Variants in LRMDA observed in about 807,000 individuals in gnomAD.
LRMDA encodes the protein leucine rich melanocyte differentiation associated.
A neutral mutation model predicts 29.8 loss-of-function variants in LRMDA; 18 were observed. The ratio of observed to expected loss-of-function variants is 0.60; its 90% CI spans 0.42 to 0.90. The LOEUF (loss-of-function observed/expected upper bound fraction) is 0.90, where lower values mean the gene tolerates loss of function less well. Ranked by LOEUF, LRMDA falls within the 40% of genes least tolerant of loss-of-function variation. The pLI, the probability that LRMDA is intolerant of heterozygous loss-of-function variation, is 0.00. For synonymous variants in LRMDA, 125 were observed against 109.4 expected (o/e 1.14, Z -0.89); for missense variants, 273 against 273.9 (o/e 1.00, Z 0.02).
intron 2 of LRMDA, among the ~76,000 whole-genome samples, chr10:75,844,811 A>G (rs913533053): frequency 6.6e-6 from 1 of 152,220 alleles, no homozygotes; most frequent in African/African-American, 2.4e-5. Flanking sequence ...GACATACAGT[A>G]AATTGCATTT....
At chr10:76,139,856 A>G (rs1011047175) in intron 5 of LRMDA, among the ~76,000 whole-genome samples, 4 of 152,094 alleles carry the variant, frequency 2.6e-5, no homozygotes, top group African/African-American at 7.2e-5. Flanking sequence ...TTCTTAGACC[A>G]TATCAGGCCC....
chr10:76,060,905 A>G (rs1848692239), intron 5 of LRMDA, among the ~76,000 whole-genome samples: 1 of 152,226 alleles, frequency 6.6e-6, no homozygotes. Flanking sequence ...AACTGTATTA[A>G]GCTTTAAAAA....
At chr10:75,472,226 C>T (rs1023484644) in intron 2 of LRMDA, among the ~76,000 whole-genome samples, 1 of 152,134 alleles carries the variant, frequency 6.6e-6, no homozygotes, top group Admixed American at 6.5e-5. Context: ...CCTGAAACTC[C>T]ACCCTTTTCA....
chr10:76,050,728 G>A (rs753496537), intron 4 of LRMDA, among the ~76,000 whole-genome samples: 13 of 152,204 alleles, frequency 8.5e-5, no homozygotes, highest in African/African-American at 1.7e-4. Context: ...GGATTTCAAC[G>A]CTAGCCAAAA....
chr10:76,230,090 C>A (rs1249765330), intron 5 of LRMDA, among the ~76,000 whole-genome samples: 1 of 151,974 alleles, frequency 6.6e-6, no homozygotes, highest in African/African-American at 2.4e-5. Context: ...AGGGGTGGGT[C>A]TCTCCTGCCC....
At chr10:76,107,606 GCT>G (rs1490307355) in intron 5 of LRMDA, among the ~76,000 whole-genome samples, 12 of 152,104 alleles carry the variant, frequency 7.9e-5, no homozygotes, top group Non-Finnish European at 7.3e-5. Context: ...TTCCTCCATG[GCT>G]CTGTTTCCGC....
Position 75,580,049 on chromosome 10 carries a change from A to G in LRMDA, c.131+141555A>G, listed in dbSNP as rs528279850. ...CCGTCTCTCACCACTCCTATTCAAC[A>G]TAGTATTGGAAGTTCTGGCCAGGGT... On this transcript the variant is annotated intron_variant, in intron 2 of 6. Transcript: ENST00000611255. Among the ~76,000 whole-genome samples, 69 of 152,318 alleles carry G rather than the reference A, an allele frequency of 4.5e-4. 2 individuals are homozygous for G. The highest frequency in any genetic ancestry group is 4.0e-3 in the Admixed American group (61 of 15,300).
intron 5 of LRMDA, among the ~76,000 whole-genome samples, chr10:76,142,755 T>G: frequency 6.6e-6 from 1 of 151,548 alleles, no homozygotes; most frequent in East Asian, 1.9e-4. Flanking sequence ...GTTTGTTACA[T>G]ATGTATACAT....
chr10:76,221,571 G>T (rs1851838084), intron 5 of LRMDA, among the ~76,000 whole-genome samples: 1 of 152,172 alleles, frequency 6.6e-6, no homozygotes, highest in Non-Finnish European at 1.5e-5. Flanking sequence ...GGGATGTGAA[G>T]GACCTCTTCA....
chr10:76,012,876 G>T (rs1301021530), intron 2 of LRMDA, among the ~76,000 whole-genome samples: 1 of 152,126 alleles, frequency 6.6e-6, no homozygotes, highest in Admixed American at 6.5e-5. Context: ...AAAACCTGTT[G>T]TCTGGCTTTG....
chr10:75,854,581 A>G (rs1035198355), intron 2 of LRMDA, among the ~76,000 whole-genome samples: 18 of 152,004 alleles, frequency 1.2e-4, no homozygotes, highest in Non-Finnish European at 1.9e-4. Context: ...TTATGTTTTA[A>G]TTATACTTTA....
intron 6 of LRMDA, among the ~76,000 whole-genome samples, chr10:76,351,978 C>G (rs1490605698): frequency 6.6e-6 from 1 of 152,068 alleles, no homozygotes; most frequent in Non-Finnish European, 1.5e-5. Context: ...GGGTTTGAAT[C>G]CTGGCTTTGC....
chr10:75,813,592 A>G (rs1188302799), intron 2 of LRMDA, among the ~76,000 whole-genome samples: 1 of 152,180 alleles, frequency 6.6e-6, no homozygotes, highest in Non-Finnish European at 1.5e-5. Context: ...TGCTCTTTGG[A>G]CGACGTGGGA....
intron 5 of LRMDA, among the ~76,000 whole-genome samples, chr10:76,071,135 G>C (rs2007753): frequency 0.43 from 65,829 of 151,996 alleles, 14,770 homozygotes; most frequent in Non-Finnish European, 0.45. Flanking sequence ...ATCTGGAAAT[G>C]AAGGCTGATG....
rs551057792 is a variant in LRMDA at position 75,876,610 on chromosome 10, G to T, written c.132-159398G>T. ...TCTAGAACTTTCTATTCATGGGCCTGATATATAGCCCAGGGATCTGCATTT... is the reference window on the plus strand; with the variant it reads ...TCTAGAACTTTCTATTCATGGGCCTTATATATAGCCCAGGGATCTGCATTT... On this transcript the variant is annotated intron_variant, in intron 2 of 6. Coordinates refer to ENST00000611255, the MANE Select transcript of LRMDA (RefSeq NM_001305581.2). Among the ~76,000 whole-genome samples the T allele has an allele frequency of 5.3e-3, 800 of 152,330 alleles. 8 individuals carry two copies. Among genetic ancestry groups the T allele is most frequent in the Non-Finnish European group, 8.5e-3 (576 of 68,034 alleles).
chr10:76,322,288 G>T (rs540306281), intron 5 of LRMDA, among the ~76,000 whole-genome samples: 1 of 152,292 alleles, frequency 6.6e-6, no homozygotes, highest in South Asian at 2.1e-4. Flanking sequence ...AGGATCACAA[G>T]GGCTTCATTT....
At chr10:75,909,903 G>A (rs114435628) in intron 2 of LRMDA, among the ~76,000 whole-genome samples, 2,551 of 152,266 alleles carry the variant, frequency 0.017, 76 homozygotes, top group African/African-American at 0.058. Flanking sequence ...TGCTGGAAAC[G>A]ACTTCAATGT....
At chr10:75,843,524 T>A (rs1461704920) in intron 2 of LRMDA, among the ~76,000 whole-genome samples, 6 of 152,200 alleles carry the variant, frequency 3.9e-5, no homozygotes, top group Non-Finnish European at 8.8e-5. Flanking sequence ...TCTTGCCAAA[T>A]TCCTTCAGCC....
intron 2 of LRMDA, among the ~76,000 whole-genome samples, chr10:75,521,656 T>G (rs1388364221): frequency 1.3e-5 from 2 of 152,232 alleles, no homozygotes; most frequent in African/African-American, 4.8e-5. Context: ...CCTGACCCTT[T>G]GCACTTCCCA....
Sources: gnomAD v4.1 joint callset for allele counts (sites outside exome capture counted in the v4.1 genomes callset) on GRCh38, gnomAD v4.1.1 for gene constraint, MANE v1.5 for transcripts, NCBI Gene and HGNC (gene_info 2026-07-23, HGNC 2026-07-21) for gene names.